BAALC: variants seen among roughly 807,000 people sequenced by gnomAD.
The protein encoded by BAALC is brain and acute leukemia cytoplasmic protein.
BAALC carries 9 observed loss-of-function variants against 15.5 expected under a neutral mutation model. The observed-to-expected ratio is 0.58, with a 90% CI of 0.35 to 1.02. The LOEUF (loss-of-function observed/expected upper bound fraction) is 1.02. Ranked by LOEUF, BAALC falls within the 50% of genes least tolerant of loss-of-function variation. The pLI, the probability that BAALC is intolerant of heterozygous loss-of-function variation, is 0.02. For synonymous variants in BAALC, 80 were observed against 74.6 expected (o/e 1.07, Z -0.37); for missense variants, 201 against 192.4 (o/e 1.04, Z -0.27).
chr8:103,159,014 TATC>T (rs1362672216), intron 1 of BAALC, among the ~76,000 whole-genome samples: 5 of 152,158 alleles, frequency 3.3e-5, no homozygotes, highest in East Asian at 1.9e-4. Flanking sequence ...TATATCAAAA[TATC>T]ATGTTGTACA....
intron 1 of BAALC, among the ~76,000 whole-genome samples, chr8:103,186,687 C>A (rs1811845267): frequency 6.6e-6 from 1 of 152,148 alleles, no homozygotes; most frequent in Non-Finnish European, 1.5e-5. Context: ...CCTCCCAAAC[C>A]ACACACTGCA....
At chr8:103,221,261 T>A (rs1230836391) in intron 2 of BAALC, among the ~76,000 whole-genome samples, 1 of 152,192 alleles carries the variant, frequency 6.6e-6, no homozygotes, top group Non-Finnish European at 1.5e-5. Flanking sequence ...CATGGGGTAC[T>A]AAAGCTGCAG....
intron 2 of BAALC, among the ~76,000 whole-genome samples, chr8:103,215,362 G>A (rs1812533423): frequency 6.6e-6 from 1 of 152,258 alleles, no homozygotes; most frequent in East Asian, 1.9e-4. Flanking sequence ...ATCAGAAAAG[G>A]TTTCTATTAA....
chr8:103,177,490 T>C (rs918540882), intron 1 of BAALC, among the ~76,000 whole-genome samples: 1 of 152,168 alleles, frequency 6.6e-6, no homozygotes, highest in Non-Finnish European at 1.5e-5. Context: ...CCCGGCCTTC[T>C]TCTTCTCTAG....
intron 1 of BAALC, among the ~76,000 whole-genome samples, chr8:103,198,421 A>G (rs990478479): frequency 2.6e-5 from 4 of 152,172 alleles, no homozygotes; most frequent in Non-Finnish European, 5.9e-5. Flanking sequence ...TATATCAAAA[A>G]AGGTGGTAGA....
intron 2 of BAALC, among the ~76,000 whole-genome samples, chr8:103,222,475 T>C (rs1812698966): frequency 6.6e-6 from 1 of 152,114 alleles, no homozygotes; most frequent in African/African-American, 2.4e-5. Flanking sequence ...GAATTTATGG[T>C]TTGTAGGTTA....
chr8:103,213,366 G>T, intron 2 of BAALC: 1 of 320,686 alleles, frequency 3.1e-6, no homozygotes, highest in Non-Finnish European at 5.9e-6. Flanking sequence ...TGATGGTGAG[G>T]ACTGTGCTGG....
chr8:103,212,880 T>C, intron 1 of BAALC, 39 bp from the exon 2 acceptor site: 1 of 1,574,384 alleles, frequency 6.4e-7, no homozygotes, highest in Non-Finnish European at 8.6e-7. Context: ...ATCTGCCATG[T>C]GCAAGCTTCT....
At chr8:103,156,041 C>A (rs1811082977) in intron 1 of BAALC, among the ~76,000 whole-genome samples, 1 of 152,170 alleles carries the variant, frequency 6.6e-6, no homozygotes, top group African/African-American at 2.4e-5. Context: ...CAGCTATAGA[C>A]AATATATAAA....
chr8:103,203,525 C>A (rs1812265492), intron 1 of BAALC, among the ~76,000 whole-genome samples: 1 of 152,160 alleles, frequency 6.6e-6, no homozygotes, highest in South Asian at 2.1e-4. Context: ...CCCCCACAAT[C>A]AATTTTAGAA....
chr8:103,156,118 T>TCC (rs1428169782), intron 1 of BAALC, among the ~76,000 whole-genome samples: 66 of 152,316 alleles, frequency 4.3e-4, no homozygotes, highest in Non-Finnish European at 5.9e-5. Context: ...CAGCCAGATT[T>TCC]AAGAGCCACT....
intron 1 of BAALC, among the ~76,000 whole-genome samples, chr8:103,195,241 T>C (rs1218385245): frequency 1.3e-5 from 2 of 152,244 alleles, no homozygotes; most frequent in East Asian, 3.9e-4. Flanking sequence ...CTGGTCTACA[T>C]GAACCCTCAC....
At chr8:103,151,402 T>C (rs1446193483) in intron 1 of BAALC, among the ~76,000 whole-genome samples, 1 of 152,180 alleles carries the variant, frequency 6.6e-6, no homozygotes, top group East Asian at 1.9e-4. Flanking sequence ...AGTTTCCACA[T>C]TGTAGGATGG....
At chr8:103,157,693 T>C (rs1389177438) in intron 1 of BAALC, among the ~76,000 whole-genome samples, 2 of 152,128 alleles carry the variant, frequency 1.3e-5, no homozygotes, top group African/African-American at 2.4e-5. Context: ...TGCATGCCTG[T>C]AGTCCCAGCT....
intron 1 of BAALC, among the ~76,000 whole-genome samples, chr8:103,141,843 G>T (rs559680583): frequency 6.6e-6 from 1 of 152,324 alleles, no homozygotes; most frequent in Non-Finnish European, 1.5e-5. Context: ...GAGATGCAAA[G>T]AATTGTCTGG....
chr8:103,229,849 A>G lies in BAALC; in HGVS notation c.*1750A>G, dbSNP rs1812888897. 4 of 152,236 alleles carry G rather than the reference A, an allele frequency of 2.6e-5. No homozygotes were observed. Among genetic ancestry groups the G allele is most frequent in the Admixed American group, 2.6e-4 (4 of 15,282 alleles). 9.4% of individuals were successfully genotyped at this position (152,236 alleles called of 1,614,324 possible). A position where few individuals can be genotyped will look rare whatever the true frequency, so the allele number is the denominator to read the frequency against. ...TTATGTTCTAAAAAATGTTTTTAACAATAATAAGATAAAAGAAAAACCTGT... is the reference window on the plus strand; with the variant it reads ...TTATGTTCTAAAAAATGTTTTTAACGATAATAAGATAAAAGAAAAACCTGT... On this transcript the variant is annotated 3_prime_UTR_variant, in exon 3 of 3. Transcript: ENST00000309982.
chr8:103,140,797 C>T lies in BAALC; in HGVS notation c.-101C>T, dbSNP rs1054088307. On this transcript the variant is annotated 5_prime_UTR_variant, in exon 1 of 3. Transcript: ENST00000309982. The surrounding 1 kb of genome is among the most constrained non-coding windows in gnomAD (Gnocchi z 4.2). ...GGGCGGGAGCGGGGACGCGATGTCGCCGCCGCCGCCTCCTTGCGGGCCGGG... is the reference window on the plus strand; with the variant it reads ...GGGCGGGAGCGGGGACGCGATGTCGTCGCCGCCGCCTCCTTGCGGGCCGGG... 7.3e-6 allele frequency: 8 copies of T among 1,099,336 alleles called. No homozygotes were observed. The African/African-American group carries it at 1.2e-4, about 16-fold the overall frequency. 68.1% of individuals were successfully genotyped at this position (1,099,336 alleles called of 1,614,324 possible).
chr8:103,187,201 GATTGCCACTTCTAGTGGGCACCGAAGT>G (rs1434973405), intron 1 of BAALC, among the ~76,000 whole-genome samples: 1 of 152,122 alleles, frequency 6.6e-6, no homozygotes, highest in South Asian at 2.1e-4. Context: ...GGCTGGGCAT[GATTGCCACTTCTAGTGGGCACCGAAGT>G]CCCCTCTTTA....
At chr8:103,171,466 GAAAA>G (rs756269272) in intron 1 of BAALC, among the ~76,000 whole-genome samples, 14 of 151,628 alleles carry the variant, frequency 9.2e-5, no homozygotes, top group South Asian at 2.1e-4. Context: ...AGAAAGAAAA[GAAAA>G]GAAAGAAAGA....
Sources: gnomAD v4.1 joint callset for allele counts (sites outside exome capture counted in the v4.1 genomes callset) on GRCh38, gnomAD v4.1.1 for gene constraint, Gnocchi (gnomAD v3.1) non-coding constraint, MANE v1.5 for transcripts, NCBI Gene and HGNC (gene_info 2026-07-23, HGNC 2026-07-21) for gene names.